Variants in COL21A1 observed in about 807,000 individuals in gnomAD.
COL21A1 encodes the protein collagen type XXI alpha 1 chain.
Under a neutral mutation model 137.9 loss-of-function variants are expected in COL21A1, and 149 were observed. The ratio of observed to expected loss-of-function variants is 1.08; its 90% confidence interval spans 0.95 to 1.24. COL21A1 has a LOEUF of 1.24. Among genes scored for constraint, COL21A1 ranks in the 50% most tolerant of loss-of-function variants. The pLI is 0.00. For synonymous variants in COL21A1, 456 were observed against 391.5 expected (o/e 1.16, Z -1.95); for missense variants, 1,167 against 1,158.4 (o/e 1.01, Z -0.11).
chr6:56,261,168 C>CCTCACTCT (rs1458419969), intron 1 of COL21A1, among the ~76,000 whole-genome samples: 2 of 152,026 alleles, frequency 1.3e-5, no homozygotes, highest in African/African-American at 4.8e-5. Context: ...TCTCCCTCTC[C>CCTCACTCT]CTCACTCTGC....
chr6:56,185,114 TA>T (rs897142808), intron 1 of COL21A1, among the ~76,000 whole-genome samples: 5 of 150,466 alleles, frequency 3.3e-5, no homozygotes, highest in Non-Finnish European at 5.9e-5. Flanking sequence ...AAGCATATAT[TA>T]AAAAAAAGAA....
chr6:56,129,051 C>G (rs749147067), intron 12 of COL21A1, among the ~76,000 whole-genome samples: 1 of 152,210 alleles, frequency 6.6e-6, no homozygotes, highest in Non-Finnish European at 1.5e-5. Context: ...TTTCGTGTTT[C>G]TGCTACGGTG....
At chr6:56,251,757 G>C (rs982259467), upstream of COL21A1, among the ~76,000 whole-genome samples, 18 of 152,214 alleles carry the variant, frequency 1.2e-4, no homozygotes, top group African/African-American at 4.1e-4. Flanking sequence ...ACAAAGACAA[G>C]CAGTTCTCAA....
intron 16 of COL21A1, among the ~76,000 whole-genome samples, chr6:56,121,644 C>G (rs1772546733): frequency 6.7e-6 from 1 of 150,200 alleles, no homozygotes; most frequent in Non-Finnish European, 1.5e-5. Flanking sequence ...CTAACATAAA[C>G]TATGAACCTT....
Position 56,168,193 on chromosome 6 carries a change from TG to T in COL21A1, c.1130del (p.Pro377GlnfsTer3). On this transcript the variant is annotated frameshift_variant, in exon 6 of 30. Coordinates refer to ENST00000244728, the MANE Select transcript of COL21A1 (RefSeq NM_030820.4). LOFTEE classifies it high-confidence loss of function. ...DQQIENKPLH[P>X]VLGILINGQT... ...GCCCATTGATCAAGATCCCTAAAACTGGATGTAAGGGCTTGTTTTCAATTTG... is the reference window on the plus strand; with the variant it reads ...GCCCATTGATCAAGATCCCTAAAACTGATGTAAGGGCTTGTTTTCAATTTG... 6.4e-7 allele frequency: 1 copy of T among 1,562,630 alleles called. No homozygotes were observed. The highest frequency in any genetic ancestry group is 8.7e-7 in the Non-Finnish European group (1 of 1,151,004).
chr6:56,147,780 T>A (rs185387308), intron 10 of COL21A1, among the ~76,000 whole-genome samples: 5 of 152,122 alleles, frequency 3.3e-5, no homozygotes, highest in African/African-American at 1.2e-4. Context: ...AGAAGGAGAA[T>A]GTTGAAGAAA....
chr6:56,170,368 C>G (rs1776940137), intron 5 of COL21A1, among the ~76,000 whole-genome samples: 1 of 151,718 alleles, frequency 6.6e-6, no homozygotes, highest in Non-Finnish European at 1.5e-5. Context: ...AAAATGGGAG[C>G]AATGGTTTCT....
At chr6:56,325,057 T>A (rs1158542569) in intron 1 of COL21A1, among the ~76,000 whole-genome samples, 35 of 150,550 alleles carry the variant, frequency 2.3e-4, no homozygotes, top group Non-Finnish European at 4.6e-4. Context: ...TGTTTCTCCA[T>A]GACTCTTCAT....
chr6:56,161,164 G>T (rs940743782), intron 9 of COL21A1, among the ~76,000 whole-genome samples: 1 of 152,172 alleles, frequency 6.6e-6, no homozygotes, highest in African/African-American at 2.4e-5. Context: ...AAAATTACTA[G>T]GGTGTAACAA....
intron 1 of COL21A1, among the ~76,000 whole-genome samples, chr6:56,320,777 A>G (rs1262323919): frequency 6.6e-6 from 1 of 152,176 alleles, no homozygotes; most frequent in Non-Finnish European, 1.5e-5. Context: ...TTTCTAAAAT[A>G]AAAACACACT....
intron 1 of COL21A1, among the ~76,000 whole-genome samples, chr6:56,338,231 T>G (rs915682635): frequency 6.6e-6 from 1 of 152,094 alleles, no homozygotes; most frequent in Non-Finnish European, 1.5e-5. Context: ...CCCAAAGCAC[T>G]GGGATTACAG....
chr6:56,104,319 C>T lies in COL21A1; in HGVS notation c.1759-2794G>A, dbSNP rs1375911292. Reference sequence around the variant, plus strand: ...ATGGGAAAAACATTTGTGGATAAAGCGCTAGCATTTACTGTTGGACAATTA... The same window carrying T: ...ATGGGAAAAACATTTGTGGATAAAGTGCTAGCATTTACTGTTGGACAATTA... On this transcript the variant is annotated intron_variant, in intron 16 of 29. Transcript: ENST00000244728. 2.0e-5 allele frequency among the ~76,000 whole-genome samples: 3 copies of T among 152,080 alleles called. No homozygotes were observed. The South Asian group carries it at 6.2e-4, about 31-fold the overall frequency.
chr6:56,110,883 A>G (rs1771366901), intron 16 of COL21A1, among the ~76,000 whole-genome samples: 1 of 152,266 alleles, frequency 6.6e-6, no homozygotes. Context: ...TATTGTTAAG[A>G]TGGCAACTCT....
intron 1 of COL21A1, among the ~76,000 whole-genome samples, chr6:56,188,658 C>T (rs981736485): frequency 1.3e-5 from 2 of 152,192 alleles, no homozygotes; most frequent in African/African-American, 4.8e-5. Flanking sequence ...TGCCTCCTCA[C>T]GTGGGTCCCT....
Position 56,287,796 on chromosome 6 carries a change from C to T in COL21A1, c.-38-105140G>A, listed in dbSNP as rs545689241. On this transcript the variant is annotated intron_variant, in intron 1 of 28. Transcript: ENST00000370819. ...ACTATACTGGATTATCCAGATAGGC[C>T]GTAAGTAATCACAAGGGTTCTTACA... is the stretch of plus-strand genomic sequence containing the variant. 2.6e-5 allele frequency among the ~76,000 whole-genome samples: 4 copies of T among 151,942 alleles called. No homozygotes were observed. The East Asian group carries it at 5.8e-4, about 22-fold the overall frequency.
intron 10 of COL21A1, among the ~76,000 whole-genome samples, chr6:56,153,554 GA>G (rs35787305): frequency 0.031 from 4,403 of 143,920 alleles, 195 homozygotes; most frequent in African/African-American, 0.1. Flanking sequence ...ATATCTCTCA[GA>G]AAAAAAAAAA....
intron 1 of COL21A1, among the ~76,000 whole-genome samples, chr6:56,305,725 T>C (rs906161545): frequency 5.9e-5 from 9 of 152,118 alleles, no homozygotes; most frequent in African/African-American, 2.2e-4. Flanking sequence ...GAGCATTTAG[T>C]CCATTTACAT....
chr6:56,097,742 T>C (rs935362372), intron 17 of COL21A1, among the ~76,000 whole-genome samples: 1 of 131,804 alleles, frequency 7.6e-6, no homozygotes, highest in Non-Finnish European at 1.6e-5. Flanking sequence ...GCACTCCTCA[T>C]TTTATATTTT....
intron 1 of COL21A1, among the ~76,000 whole-genome samples, chr6:56,345,746 G>A (rs1429725385): frequency 2.0e-5 from 3 of 152,212 alleles, no homozygotes; most frequent in African/African-American, 7.2e-5. Flanking sequence ...TTCCAGGAGA[G>A]TTTTGGAAAT....
Sources: allele counts gnomAD v4.1 joint callset (sites outside exome capture counted in the v4.1 genomes callset), GRCh38; gene constraint gnomAD v4.1.1; transcripts MANE v1.5; gene names NCBI Gene and HGNC (gene_info 2026-07-23, HGNC 2026-07-21).